The following MAMDC2 variants were observed in gnomAD, a reference collection of about 807,000 sequenced individuals.
MAMDC2 encodes MAM domain-containing protein 2.
A neutral mutation model predicts 89.8 loss-of-function variants in MAMDC2; 57 were observed. The ratio of observed to expected loss-of-function variants is 0.63; its 90% CI spans 0.51 to 0.79. The LOEUF (loss-of-function observed/expected upper bound fraction) is 0.79. Among genes scored for constraint, MAMDC2 ranks in the 30% least tolerant of loss-of-function variants. The pLI is 0.00. For missense variants in MAMDC2, 800 were observed against 820.6 expected (o/e 0.97, Z 0.31); for synonymous variants, 313 against 293.4 (o/e 1.07, Z -0.68).
chr9:70,044,767 A>T (rs553760626), intron 2 of MAMDC2, 70 bp downstream of exon 2: 2 of 1,082,036 alleles, frequency 1.8e-6, no homozygotes, highest in South Asian at 2.7e-5. Flanking sequence ...TTTTTCCCAC[A>T]TGGGTAATGT....
chr9:70,076,329 G>C lies in MAMDC2; in HGVS notation c.148+31632G>C, dbSNP rs368251237. On this transcript the variant is annotated intron_variant, in intron 2 of 13. Transcript: ENST00000377182. Reference sequence around the variant, plus strand: ...TCAGCTACTCAGGAGACTGAGGCAGGAGAATTGCTGGAATAGGGGTGGCAG... The same window carrying C: ...TCAGCTACTCAGGAGACTGAGGCAGCAGAATTGCTGGAATAGGGGTGGCAG... 3.3e-5 allele frequency among the ~76,000 whole-genome samples: 5 copies of C among 152,132 alleles called. No homozygotes were observed. In the East Asian group the frequency reaches 9.7e-4, roughly 29 times the overall value.
intron 9 of MAMDC2, among the ~76,000 whole-genome samples, chr9:70,159,253 C>T (rs2031876543): frequency 6.6e-6 from 1 of 152,080 alleles, no homozygotes; most frequent in Non-Finnish European, 1.5e-5. Context: ...AGGGATTTAT[C>T]ATAAGGAAAT....
intron 9 of MAMDC2, among the ~76,000 whole-genome samples, chr9:70,165,315 AAT>A (rs1350846949): frequency 6.6e-6 from 1 of 152,190 alleles, no homozygotes; most frequent in Non-Finnish European, 1.5e-5. Flanking sequence ...GAGCATACAA[AAT>A]GTAAAATGGC....
intron 5 of MAMDC2, among the ~76,000 whole-genome samples, chr9:70,118,337 C>CACACACAT (rs2030110326): frequency 9.9e-6 from 1 of 100,670 alleles, no homozygotes; most frequent in African/African-American, 3.0e-5. Flanking sequence ...CACACACACA[C>CACACACAT]ACACACACAC....
chr9:70,056,182 A>C (rs1291308167), intron 2 of MAMDC2, among the ~76,000 whole-genome samples: 1 of 152,270 alleles, frequency 6.6e-6, no homozygotes, highest in African/African-American at 2.4e-5. Flanking sequence ...TGACCAAAAC[A>C]ATCTATCCAA....
At chr9:70,089,155 T>G (rs921168073) in intron 2 of MAMDC2, 1 of 152,186 alleles carries the variant, frequency 6.6e-6, no homozygotes, top group Non-Finnish European at 1.5e-5. Context: ...AGGCTCTTTC[T>G]GTCAGCTACA....
intron 2 of MAMDC2, among the ~76,000 whole-genome samples, chr9:70,067,209 C>T (rs533844662): frequency 6.6e-6 from 1 of 152,160 alleles, no homozygotes; most frequent in Non-Finnish European, 1.5e-5. Flanking sequence ...GGCATGTGAT[C>T]TTGGATGTGC....
At chr9:70,128,058 T>A (rs2030640140) in intron 6 of MAMDC2, among the ~76,000 whole-genome samples, 1 of 152,262 alleles carries the variant, frequency 6.6e-6, no homozygotes. Flanking sequence ...CATGTGATTT[T>A]GCTCTACTAG....
At chr9:70,162,184 G>A (rs1334536096) in intron 9 of MAMDC2, among the ~76,000 whole-genome samples, 2 of 152,138 alleles carry the variant, frequency 1.3e-5, no homozygotes, top group Non-Finnish European at 2.9e-5. Flanking sequence ...AGCAGGTCAT[G>A]GAATCTACTC....
At chr9:70,206,668 T>C (rs1468185852) in intron 11 of MAMDC2, among the ~76,000 whole-genome samples, 1 of 152,162 alleles carries the variant, frequency 6.6e-6, no homozygotes, top group Non-Finnish European at 1.5e-5. Flanking sequence ...CTAGGGTACA[T>C]GTGCACAACG....
intron 6 of MAMDC2, among the ~76,000 whole-genome samples, chr9:70,127,688 C>A (rs1587495912): frequency 6.6e-6 from 1 of 151,208 alleles, no homozygotes; most frequent in East Asian, 1.9e-4. Context: ...CTACCTCCCC[C>A]CACAAAAAAA....
chr9:70,217,307 C>G, intron 11 of MAMDC2: 1 of 1,368,604 alleles, frequency 7.3e-7, no homozygotes, highest in Non-Finnish European at 1.0e-6. Flanking sequence ...AAATGCGAGT[C>G]GGCATTCCTT....
rs745590595 is a variant in MAMDC2, at chr9:70,170,553, C to T, written c.1573C>T (p.Arg525Trp). The change falls in exon 11 of 14, where the codon CGG (arginine) becomes TGG (tryptophan). Residue 525 changes from arginine (R) to tryptophan (W), a missense_variant. Arg to Trp is a moderately radical substitution (Grantham distance 101, BLOSUM62 -3). Transcript: ENST00000377182. ...ECTFTQEKRN[R>W]SSWHRRRGET... ...TACATTTACTCAGGAGAAAAGAAAC[C>T]GGAGCAGCTGGCACAGGAGGAGGGG... 18 of 1,612,678 alleles carry T rather than the reference C, an allele frequency of 1.1e-5. No individual in the cohort carries two copies. Among genetic ancestry groups the T allele is most frequent in the East Asian group, 4.5e-5 (2 of 44,820 alleles).
At chr9:70,223,312 G>A (rs1248936171) in intron 12 of MAMDC2, among the ~76,000 whole-genome samples, 1 of 151,796 alleles carries the variant, frequency 6.6e-6, no homozygotes, top group Non-Finnish European at 1.5e-5. Context: ...GTAGCCATCT[G>A]AAAAAATACT....
At chr9:70,195,380 C>G (rs951166997) in intron 11 of MAMDC2, among the ~76,000 whole-genome samples, 5 of 152,040 alleles carry the variant, frequency 3.3e-5, no homozygotes, top group African/African-American at 1.2e-4. Flanking sequence ...TTTCCTGCCG[C>G]CATTTACTTC....
At chr9:70,183,803 G>T (rs1342175527) in intron 11 of MAMDC2, among the ~76,000 whole-genome samples, 6 of 152,030 alleles carry the variant, frequency 3.9e-5, no homozygotes, top group Non-Finnish European at 8.8e-5. Flanking sequence ...TATCCAATTT[G>T]CCAGTCTGTG....
intron 11 of MAMDC2, among the ~76,000 whole-genome samples, chr9:70,187,900 C>G (rs1039760266): frequency 6.6e-6 from 1 of 152,136 alleles, no homozygotes; most frequent in Non-Finnish European, 1.5e-5. Flanking sequence ...AAGGTATAAA[C>G]CAGGGAGTGG....
intron 11 of MAMDC2, among the ~76,000 whole-genome samples, chr9:70,200,005 T>C (rs564653652): frequency 7.9e-5 from 12 of 152,276 alleles, no homozygotes; most frequent in Admixed American, 5.2e-4. Context: ...GTAGGTTGCC[T>C]ATTCACTCTG....
At chr9:70,044,364 A>G (rs1342399409) in intron 1 of MAMDC2, 133 bp downstream of exon 1, 3 of 1,069,810 alleles carry the variant, frequency 2.8e-6, no homozygotes, top group Non-Finnish European at 4.0e-6. Flanking sequence ...CGCAGCCGCT[A>G]ACTCCCTCCC....
Sources: gnomAD v4.1 joint callset for allele counts (sites outside exome capture counted in the v4.1 genomes callset) on GRCh38, gnomAD v4.1.1 for gene constraint, MANE v1.5 for transcripts, NCBI Gene and HGNC (gene_info 2026-07-23, HGNC 2026-07-21) for gene names.